GRIN3B: variants seen among roughly 807,000 people sequenced by gnomAD.
GRIN3B encodes the protein glutamate receptor ionotropic, NMDA 3B.
In GRIN3B, 77 loss-of-function variants were observed where a neutral mutation model predicts 66.0. That is an observed-to-expected ratio of 1.17 (90% CI 0.97 to 1.41). The LOEUF is 1.41. Among genes scored for constraint, GRIN3B ranks in the 40% most tolerant of loss-of-function variants. The pLI is 0.00. For missense variants in GRIN3B, 1,787 were observed against 1,564.5 expected (o/e 1.14, Z -2.40); for synonymous variants, 823 against 749.7 (o/e 1.10, Z -1.60).
Position 1,004,640 on chromosome 19 carries a change from C to T in GRIN3B, c.1139C>T (p.Ala380Val), listed in dbSNP as rs1430388903. 2 of 1,601,378 alleles carry T rather than the reference C, an allele frequency of 1.2e-6. No individual in the cohort carries two copies. The highest frequency in any genetic ancestry group is 1.6e-4 in the Middle Eastern group (1 of 6,066). The change falls in exon 3 of 9, where the codon GCC (alanine) becomes GTC (valine). Residue 380 changes from alanine to valine, a missense_variant. Physicochemically the swap from Ala to Val is moderately conservative, Grantham distance 64 (BLOSUM62 0). Coordinates refer to ENST00000234389, the MANE Select transcript of GRIN3B (RefSeq NM_138690.3). ...AGCCTTCGCCGGGACCCACGGGGCG[C>T]CCCGGCCTGGGCCACGGTGGGCAGC... is the stretch of plus-strand genomic sequence containing the variant. ...VWSLRRDPRG[A>V]PAWATVGSWR... is the part of the protein sequence containing the mutation.
chr19:1,007,844 C>T lies in GRIN3B; in HGVS notation c.2199-12C>T, dbSNP rs1280771328. ...CGGGGCGATGGCTGACCCCCGCCCC[C>T]GGCCCCAGCAGGAGCGACCCCCCCA... On this transcript the variant is annotated splice_polypyrimidine_tract_variant and intron_variant, in intron 4 of 8. Transcript: ENST00000234389. The surrounding 1 kb of genome is among the most constrained non-coding windows in gnomAD (Gnocchi z 4.4). The T allele has an allele frequency of 2.5e-6, 4 of 1,594,406 alleles. No individual in the cohort carries two copies. The highest frequency in any genetic ancestry group is 3.4e-6 in the Non-Finnish European group (4 of 1,168,216).
rs924483690 is a variant in GRIN3B, at chr19:1,007,299, C to G, written c.2053-329C>G. On this transcript the variant is annotated intron_variant, in intron 3 of 8. Transcript: ENST00000234389. The surrounding 1 kb of genome is among the most constrained non-coding windows in gnomAD (Gnocchi z 4.4). ...TTAGAGTGGGGCTCCCGTGGGACCC[C>G]CAGGGGAGAGGCAGAGGAGGTGGTG... Among the ~76,000 whole-genome samples, 1 of 151,852 alleles carries G rather than the reference C, an allele frequency of 6.6e-6. No individual in the cohort carries two copies. The highest frequency in any genetic ancestry group is 1.5e-5 in the Non-Finnish European group (1 of 67,912).
rs755330346 is a variant in GRIN3B, at chr19:1,008,653, C to T, written c.2502C>T (p.Leu834=). ...TGAGCATCTACCACTTCGCGGGCCT[C>T]TTCGTGTTGCTGTGCCTGGGCCTGG... ...LQMSIYHFAG[L]FVLLCLGLGS... is the part of the protein sequence containing the mutation. Residue 834 remains leucine, a synonymous_variant, in exon 7 of 9, where the codon CTC becomes CTT. Transcript: ENST00000234389. 1.9e-6 allele frequency: 3 copies of T among 1,603,242 alleles called. No individual in the cohort carries two copies. Among genetic ancestry groups the T allele is most frequent in the Non-Finnish European group, 2.5e-6 (3 of 1,179,676 alleles).
rs1211879744 is a variant in GRIN3B, at chr19:1,008,605, G to T, written c.2467-13G>T. On this transcript the variant is annotated splice_polypyrimidine_tract_variant and intron_variant, in intron 6 of 8. Transcript: ENST00000234389. ...TACGTGACCGTGCGGGGCTCCTGCT[G>T]TGTTGCCCCCAGACCCTGCAGATGA... The T allele has an allele frequency of 1.3e-6, 2 of 1,594,164 alleles. No individual in the cohort carries two copies. The highest frequency in any genetic ancestry group is 2.2e-5 in the South Asian group (2 of 90,862).
rs1241763344 is a variant in GRIN3B, at chr19:1,005,359, C to T, written c.1858C>T (p.Leu620Phe). The T allele has an allele frequency of 1.2e-6, 2 of 1,613,782 alleles. No homozygotes were observed. The highest frequency in any genetic ancestry group is 1.7e-6 in the Non-Finnish European group (2 of 1,180,012). Residue 620 changes from leucine (L) to phenylalanine (F), a missense_variant, in exon 3 of 9, where the codon CTC becomes TTC. Physicochemically the swap from Leu to Phe is conservative, Grantham distance 22. Coordinates refer to ENST00000234389, the MANE Select transcript of GRIN3B (RefSeq NM_138690.3). This position sits in a 1 kb window ranked among gnomAD's most constrained non-coding sequence, Gnocchi z 5.2. ...RSTVFSYSSA[L>F]NLCYAILFRR... ...CACCGTCTTCTCCTACTCCTCAGCC[C>T]TCAACCTGTGCTACGCCATCCTCTT...
chr19:1,006,459 T>A (rs739881), intron 3 of GRIN3B, among the ~76,000 whole-genome samples: 63,974 of 151,686 alleles, frequency 0.42, 14,001 homozygotes, highest in Non-Finnish European at 0.47. Context: ...TATTATTATT[T>A]TTTTTTGAGA....
chr19:1,009,302 G>A lies in GRIN3B; in HGVS notation c.2832G>A (p.Val944=). ...VRFLLEPAVV[V]APEADAEAEA... The stretch of plus-strand genomic sequence containing the variant: ...TCCTGCTGGAGCCCGCCGTGGTTGT[G>A]GCACCCGAAGCGGACGCGGAGGCGG... Residue 944 remains valine (V), a synonymous_variant, in exon 9 of 9, where the codon GTG becomes GTA. Coordinates refer to ENST00000234389, the MANE Select transcript of GRIN3B (RefSeq NM_138690.3). 1.4e-6 allele frequency: 2 copies of A among 1,410,936 alleles called. No individual in the cohort carries two copies. The highest frequency in any genetic ancestry group is 3.3e-5 in the Admixed American group (1 of 29,984). The allele number at this position is 1,410,936 out of a possible 1,614,324, so 87.4% of individuals were successfully genotyped here.
At position 1,004,663 on chromosome 19, in the gene GRIN3B, A is replaced by G. The variant is rs1417439117; in HGVS notation, c.1162A>G (p.Ser388Gly). ...RGAPAWATVG[S>G]WRDGQLDLEP... ...CGCCCCGGCCTGGGCCACGGTGGGC[A>G]GCTGGCGGGACGGCCAGCTGGACTT... The change falls in exon 3 of 9, where the codon AGC becomes GGC. Residue 388 changes from serine to glycine, a missense_variant. By Grantham distance (56) the Ser-to-Gly change is moderately conservative (BLOSUM62 0). Coordinates refer to ENST00000234389, the MANE Select transcript of GRIN3B (RefSeq NM_138690.3). 1 of 1,597,020 alleles carries G rather than the reference A, an allele frequency of 6.3e-7. No individual in the cohort carries two copies. The highest frequency in any genetic ancestry group is 8.5e-7 in the Non-Finnish European group (1 of 1,172,670).
chr19:1,007,476 G>A lies in GRIN3B; in HGVS notation c.2053-152G>A. On this transcript the variant is annotated intron_variant, in intron 3 of 8. Transcript: ENST00000234389. This position sits in a 1 kb window ranked among gnomAD's most constrained non-coding sequence, Gnocchi z 4.4. ...GACAGCTGTGGTGGTCACGCCTGGG[G>A]TGTGCTCTGGGCATGGAGTGGGTGG... The A allele has an allele frequency of 1.2e-6, 1 of 867,746 alleles. No individual in the cohort carries two copies. Among genetic ancestry groups the A allele is most frequent in the Non-Finnish European group, 1.6e-6 (1 of 626,936 alleles). 53.8% of individuals were successfully genotyped at this position (867,746 alleles called of 1,614,324 possible). A position where few individuals can be genotyped will look rare whatever the true frequency, so the allele number is the denominator to read the frequency against.
At position 1,004,804 on chromosome 19, in the gene GRIN3B, G is replaced by A. The variant is rs201638380; in HGVS notation, c.1303G>A (p.Glu435Lys). 6.3e-4 allele frequency: 1,014 copies of A among 1,612,828 alleles called. 3 individuals are homozygous for A. Among genetic ancestry groups the A allele is most frequent in the Non-Finnish European group, 7.8e-4 (921 of 1,179,556 alleles). Residue 435 changes from glutamate (E) to lysine (K), a missense_variant, in exon 3 of 9, where the codon GAA (glutamate) becomes AAA (lysine). Glu to Lys is a moderately conservative substitution (Grantham distance 56). Coordinates refer to ENST00000234389, the MANE Select transcript of GRIN3B (RefSeq NM_138690.3). The stretch of plus-strand genomic sequence containing the variant: ...ATTTGTGTTTGCCCGTGATCCAGAC[G>A]AAGACGGGCAGTGCCCAGCGGGGCA... ...HPFVFARDPD[E>K]DGQCPAGQLC...
chr19:1,000,987 C>T (rs2145528525), intron 1 of GRIN3B, 124 bp downstream of exon 1: 2 of 1,088,092 alleles, frequency 1.8e-6, no homozygotes, highest in East Asian at 3.3e-5. Context: ...GATCCCGGGA[C>T]GCTGGACGGG....
chr19:1,007,790 G>A lies in GRIN3B; in HGVS notation c.2198+17G>A. On this transcript the variant is annotated intron_variant, in intron 4 of 8. Coordinates refer to ENST00000234389, the MANE Select transcript of GRIN3B (RefSeq NM_138690.3). The surrounding 1 kb of genome is among the most constrained non-coding windows in gnomAD (Gnocchi z 4.4). Reference sequence around the variant, plus strand: ...CATGCTCACGTGAGCCCGGGCGCGGGGTGAGGCGGGGGCGGGGCGTGGGGT... The same window carrying A: ...CATGCTCACGTGAGCCCGGGCGCGGAGTGAGGCGGGGGCGGGGCGTGGGGT... 1 of 1,511,390 alleles carries A rather than the reference G, an allele frequency of 6.6e-7. No individual in the cohort carries two copies. Among genetic ancestry groups the A allele is most frequent in the Non-Finnish European group, 8.8e-7 (1 of 1,130,514 alleles). 93.6% of individuals were successfully genotyped at this position (1,511,390 alleles called of 1,614,324 possible). A position where few individuals can be genotyped will look rare whatever the true frequency, so the allele number is the denominator to read the frequency against.
At chr19:1,002,691 C>T (rs1476662432) in intron 1 of GRIN3B, 1 of 161,312 alleles carries the variant, frequency 6.2e-6, no homozygotes, top group African/African-American at 2.4e-5. Context: ...CAGGTGAGGT[C>T]AGGACTGTAA....
Position 1,009,414 on chromosome 19 carries a change from G to C in GRIN3B, c.2944G>C (p.Glu982Gln), listed in dbSNP as rs145392111. 3 of 1,439,476 alleles carry C rather than the reference G, an allele frequency of 2.1e-6. No individual in the cohort carries two copies. The South Asian group carries it at 4.1e-5, about 20-fold the overall frequency. 89.2% of individuals were successfully genotyped at this position (1,439,476 alleles called of 1,614,324 possible). The change falls in exon 9 of 9, where the codon GAG (glutamate) becomes CAG (glutamine). Residue 982 changes from glutamate to glutamine, a missense_variant. Physicochemically the swap from Glu to Gln is conservative, Grantham distance 29 (BLOSUM62 2). Transcript: ENST00000234389. ...ARPTGAPQPG[E>Q]LQELERRIEV... is the part of the protein sequence containing the mutation. ...GCCCACGGGGGCCCCCCAGCCCGGG[G>C]AGCTGCAGGAGCTGGAGCGCCGCAT... is the stretch of plus-strand genomic sequence containing the variant.
rs2038673909 is a variant in GRIN3B, at chr19:1,000,642, A to G, written c.205A>G (p.Asn69Asp). The change falls in exon 1 of 9, where the codon AAC (asparagine) becomes GAC (aspartate). Residue 69 changes from asparagine to aspartate, a missense_variant. Transcript: ENST00000234389. ...CGCCCTGGCGCCGCGGCTGCCGCAC[A>G]ACCTGAGCTTGGAGCTGGTGGTCGC... ...RAALAPRLPH[N>D]LSLELVVAAP... 1.6e-6 allele frequency: 2 copies of G among 1,259,646 alleles called. No homozygotes were observed. Among genetic ancestry groups the G allele is most frequent in the Non-Finnish European group, 2.0e-6 (2 of 1,002,126 alleles). The allele number at this position is 1,259,646 out of a possible 1,614,324, so 78.0% of individuals were successfully genotyped here.
chr19:1,008,656 C>T lies in GRIN3B; in HGVS notation c.2505C>T (p.Phe835=), dbSNP rs1425934310. 4.4e-6 allele frequency: 7 copies of T among 1,603,592 alleles called. No individual in the cohort carries two copies. The highest frequency in any genetic ancestry group is 1.3e-5 in the African/African-American group (1 of 75,064). ...GCATCTACCACTTCGCGGGCCTCTT[C>T]GTGTTGCTGTGCCTGGGCCTGGGCA... ...QMSIYHFAGL[F]VLLCLGLGSA... Residue 835 remains phenylalanine (F), a synonymous_variant, in exon 7 of 9, where the codon TTC becomes TTT. Coordinates refer to ENST00000234389, the MANE Select transcript of GRIN3B (RefSeq NM_138690.3).
In GRIN3B at chr19:1,007,661, A is replaced by G; in HGVS notation, c.2086A>G (p.Thr696Ala). The G allele has an allele frequency of 1.3e-6, 2 of 1,529,810 alleles. No homozygotes were observed. Among genetic ancestry groups the G allele is most frequent in the Non-Finnish European group, 1.8e-6 (2 of 1,140,518 alleles). 94.8% of individuals were successfully genotyped at this position (1,529,810 alleles called of 1,614,324 possible). ...HHPAQGFRFG[T>A]VWESSAEAYI... ...CCCGGCGCAGGGCTTCCGCTTCGGCACCGTGTGGGAGAGCAGCGCCGAGGC... is the reference window on the plus strand; with the variant it reads ...CCCGGCGCAGGGCTTCCGCTTCGGCGCCGTGTGGGAGAGCAGCGCCGAGGC... Residue 696 changes from threonine to alanine, a missense_variant, in exon 4 of 9, where the codon ACC (threonine) becomes GCC (alanine). Coordinates refer to ENST00000234389, the MANE Select transcript of GRIN3B (RefSeq NM_138690.3). This position sits in a 1 kb window ranked among gnomAD's most constrained non-coding sequence, Gnocchi z 4.4.
At position 1,009,437 on chromosome 19, in the gene GRIN3B, C is replaced by T; in HGVS notation, c.2967C>T (p.Arg989=). 1 of 1,461,844 alleles carries T rather than the reference C, an allele frequency of 6.8e-7. No individual in the cohort carries two copies. The highest frequency in any genetic ancestry group is 9.0e-7 in the Non-Finnish European group (1 of 1,113,396). The allele number at this position is 1,461,844 out of a possible 1,614,324, so 90.6% of individuals were successfully genotyped here. The change falls in exon 9 of 9, where the codon CGC becomes CGT. Residue 989 remains arginine, a synonymous_variant. Transcript: ENST00000234389. ...GGGAGCTGCAGGAGCTGGAGCGCCG[C>T]ATCGAAGTCGCGCGTGAGCGGCTCC... ...QPGELQELER[R]IEVARERLRQ... is the part of the protein sequence containing the mutation.
Position 1,003,710 on chromosome 19 carries a change from G to A in GRIN3B, c.1007G>A (p.Arg336His), listed in dbSNP as rs904681158. 4.4e-5 allele frequency: 62 copies of A among 1,402,498 alleles called. No individual in the cohort carries two copies. The highest frequency in any genetic ancestry group is 6.7e-5 in the Admixed American group (2 of 29,928). The allele number at this position is 1,402,498 out of a possible 1,614,324, so 86.9% of individuals were successfully genotyped here. A position where few individuals can be genotyped will look rare whatever the true frequency, so the allele number is the denominator to read the frequency against. Reference sequence around the variant, plus strand: ...CCGGCCGGGCCCGAGTCCCCGGGGCGCTTCTTGGCACGGTGAGTGGGGACC... The same window carrying A: ...CCGGCCGGGCCCGAGTCCCCGGGGCACTTCTTGGCACGGTGAGTGGGGACC... ...LQPAGPESPG[R>H]FLARFLANTS... Residue 336 changes from arginine to histidine, a missense_variant, in exon 2 of 9, where the codon CGC (arginine) becomes CAC (histidine). By Grantham distance (29) the Arg-to-His change is conservative. Transcript: ENST00000234389.
Sources: allele counts gnomAD v4.1 joint callset (sites outside exome capture counted in the v4.1 genomes callset), GRCh38; gene constraint gnomAD v4.1.1; non-coding constraint Gnocchi (gnomAD v3.1); transcripts MANE v1.5; gene names NCBI Gene and HGNC (gene_info 2026-07-23, HGNC 2026-07-21).